MDGA2: variants seen among roughly 807,000 people sequenced by gnomAD.
MDGA2 encodes the protein MAM domain containing glycosylphosphatidylinositol anchor 2.
In MDGA2, 40 loss-of-function variants were observed where a neutral mutation model predicts 117.8. That is an observed-to-expected ratio of 0.34 (90% CI 0.26 to 0.44). The LOEUF (loss-of-function observed/expected upper bound fraction) is 0.44, where lower values mean the gene tolerates loss of function less well. Ranked by LOEUF, MDGA2 falls within the 20% of genes least tolerant of loss-of-function variation. The probability of loss-of-function intolerance (pLI) is 1.00; values close to 1 mark genes in which losing one functional copy is unlikely to be tolerated. For missense variants in MDGA2, 1,123 were observed against 1,250.6 expected, an observed-to-expected ratio of 0.90 and a Z score of 1.54; for synonymous variants, 452 against 439.0, an observed-to-expected ratio of 1.03 and a Z score of -0.37.
chr14:47,632,762 A>AGG (rs199977628), intron 1 of MDGA2, among the ~76,000 whole-genome samples: 2 of 147,340 alleles, frequency 1.4e-5, no homozygotes, highest in African/African-American at 5.1e-5. Flanking sequence ...TTTTTTTTTG[A>AGG]GGGGGGGGCT....
intron 1 of MDGA2, among the ~76,000 whole-genome samples, chr14:47,478,836 T>A (rs1469712683): frequency 1.3e-5 from 2 of 152,146 alleles, no homozygotes; most frequent in Non-Finnish European, 2.9e-5. Context: ...AATAGATGAG[T>A]GAAAGACATG....
chr14:47,468,357 T>C (rs1329935110), intron 1 of MDGA2, among the ~76,000 whole-genome samples: 2 of 152,160 alleles, frequency 1.3e-5, no homozygotes, highest in South Asian at 2.1e-4. Context: ...GACGGACACA[T>C]GTTGGTTTTG....
At chr14:47,111,787 T>C (rs923205470) in intron 5 of MDGA2, among the ~76,000 whole-genome samples, 6 of 152,104 alleles carry the variant, frequency 3.9e-5, no homozygotes, top group African/African-American at 1.4e-4. Context: ...AACTATCTAA[T>C]ATAGAACAGT....
chr14:47,609,232 C>T (rs1896794674), intron 1 of MDGA2, among the ~76,000 whole-genome samples: 1 of 150,472 alleles, frequency 6.6e-6, no homozygotes, highest in South Asian at 2.1e-4. Flanking sequence ...CTTCTCAAGT[C>T]CCCAAAGTTC....
chr14:47,106,704 C>T (rs954383011), intron 5 of MDGA2, among the ~76,000 whole-genome samples: 6 of 151,842 alleles, frequency 4.0e-5, no homozygotes, highest in Non-Finnish European at 7.4e-5. Context: ...TCACAGACGC[C>T]GAGCTTCCGG....
intron 4 of MDGA2, among the ~76,000 whole-genome samples, chr14:47,132,768 AT>A (rs1407315949): frequency 6.6e-6 from 1 of 151,926 alleles, no homozygotes; most frequent in East Asian, 1.9e-4. Flanking sequence ...ATTTTATAGT[AT>A]TAGGGATACT....
chr14:47,066,245 T>G (rs147983539), intron 6 of MDGA2, among the ~76,000 whole-genome samples: 2 of 152,242 alleles, frequency 1.3e-5, no homozygotes, highest in Non-Finnish European at 2.9e-5. Context: ...CTGAATATGG[T>G]GCATTGTTAA....
intron 8 of MDGA2, among the ~76,000 whole-genome samples, chr14:47,006,993 C>T (rs974811119): frequency 4.0e-5 from 6 of 151,756 alleles, no homozygotes; most frequent in Non-Finnish European, 5.9e-5. Context: ...CAACTCATTA[C>T]CTCCACAAAT....
At chr14:46,925,198 G>T (rs1474336923) in intron 9 of MDGA2, among the ~76,000 whole-genome samples, 1 of 152,158 alleles carries the variant, frequency 6.6e-6, no homozygotes, top group African/African-American at 2.4e-5. Context: ...TCAACTTAAA[G>T]CGCAGAGAAT....
At chr14:47,548,300 G>T (rs933637636) in intron 1 of MDGA2, among the ~76,000 whole-genome samples, 6 of 151,560 alleles carry the variant, frequency 4.0e-5, no homozygotes, top group African/African-American at 1.5e-4. Flanking sequence ...AGTTTGTTTT[G>T]ACTTTTTTTT....
intron 1 of MDGA2, among the ~76,000 whole-genome samples, chr14:47,584,600 T>C (rs1896289738): frequency 6.6e-6 from 1 of 151,816 alleles, no homozygotes; most frequent in Admixed American, 6.6e-5. Flanking sequence ...ATTTAGAGCC[T>C]CCTGCCTGGA....
chr14:46,939,635 C>G (rs1350030683), intron 9 of MDGA2, among the ~76,000 whole-genome samples: 1 of 152,154 alleles, frequency 6.6e-6, no homozygotes, highest in Non-Finnish European at 1.5e-5. Context: ...TGTTTTAAGG[C>G]ACTTTTGTTG....
chr14:47,428,568 T>C (rs1056547712), intron 1 of MDGA2, among the ~76,000 whole-genome samples: 1 of 152,124 alleles, frequency 6.6e-6, no homozygotes, highest in Non-Finnish European at 1.5e-5. Context: ...AGTTCAGAAC[T>C]CTCTCTACAT....
At chr14:47,018,931 C>G (rs903325635) in intron 8 of MDGA2, among the ~76,000 whole-genome samples, 1 of 152,050 alleles carries the variant, frequency 6.6e-6, no homozygotes, top group African/African-American at 2.4e-5. Flanking sequence ...CCTCTGTGTT[C>G]ACATGGCACC....
chr14:46,848,253 A>C (rs1013961095), intron 15 of MDGA2, among the ~76,000 whole-genome samples: 1 of 152,058 alleles, frequency 6.6e-6, no homozygotes, highest in Non-Finnish European at 1.5e-5. Flanking sequence ...ACAAAATTGC[A>C]GTACATGGAT....
intron 1 of MDGA2, among the ~76,000 whole-genome samples, chr14:47,516,285 G>A (rs1220984589): frequency 6.6e-6 from 1 of 152,134 alleles, no homozygotes; most frequent in Non-Finnish European, 1.5e-5. Context: ...TTCATAAGGA[G>A]TGTTGTAAAA....
At chr14:47,057,678 T>C (rs1889734178) in intron 7 of MDGA2, among the ~76,000 whole-genome samples, 1 of 140,322 alleles carries the variant, frequency 7.1e-6, no homozygotes, top group Non-Finnish European at 1.6e-5. Flanking sequence ...CCTCCCTTCT[T>C]CTCTCCTCTC....
intron 2 of MDGA2, among the ~76,000 whole-genome samples, chr14:47,227,681 G>T (rs1252546533): frequency 6.6e-6 from 1 of 151,958 alleles, no homozygotes; most frequent in African/African-American, 2.4e-5. Flanking sequence ...ATTGTTGCTT[G>T]AATTGTTTCC....
intron 1 of MDGA2, among the ~76,000 whole-genome samples, chr14:47,385,541 G>T (rs192444691): frequency 2.6e-5 from 4 of 152,144 alleles, no homozygotes; most frequent in Admixed American, 2.6e-4. Flanking sequence ...TTCAAGAGAA[G>T]AACACTGATA....
Sources: allele counts gnomAD v4.1 joint callset (sites outside exome capture counted in the v4.1 genomes callset), GRCh38; gene constraint gnomAD v4.1.1; transcripts MANE v1.5; gene names NCBI Gene and HGNC (gene_info 2026-07-23, HGNC 2026-07-21).